PLIN3: variants seen among roughly 807,000 people sequenced by gnomAD.
The protein encoded by PLIN3 is perilipin-3.
In PLIN3, 30 loss-of-function variants were observed where a neutral mutation model predicts 35.9. That is an observed-to-expected ratio of 0.84 (90% confidence interval 0.62 to 1.13). PLIN3 has a LOEUF of 1.13. Among genes scored for constraint, PLIN3 ranks in the 50% most tolerant of loss-of-function variants. The probability of loss-of-function intolerance (pLI) is 0.00; values close to 1 mark genes in which losing one functional copy is unlikely to be tolerated. For missense variants in PLIN3, 603 were observed against 596.9 expected, an observed-to-expected ratio of 1.01 and a Z score of -0.11; for synonymous variants, 261 against 262.5, an observed-to-expected ratio of 0.99 and a Z score of 0.06.
intron 1 of PLIN3, among the ~76,000 whole-genome samples, chr19:4,861,910 G>C (rs1320050175): frequency 1.3e-5 from 2 of 151,684 alleles, no homozygotes; most frequent in African/African-American, 4.8e-5. Flanking sequence ...TGGGATTACA[G>C]GTGTGAGCCA....
chr19:4,851,286 GA>G (rs2030281812), intron 5 of PLIN3, among the ~76,000 whole-genome samples: 1 of 152,032 alleles, frequency 6.6e-6, no homozygotes, highest in South Asian at 2.1e-4. Context: ...CCAACATAGT[GA>G]AACCCCGTTT....
At chr19:4,842,731 G>GT (rs1398023256) in intron 7 of PLIN3, among the ~76,000 whole-genome samples, 5 of 151,842 alleles carry the variant, frequency 3.3e-5, no homozygotes, top group Non-Finnish European at 7.4e-5. Context: ...ATAAGATCTG[G>GT]TTTTTTCATT....
intron 1 of PLIN3, among the ~76,000 whole-genome samples, chr19:4,862,704 A>G (rs2030715323): frequency 6.6e-6 from 1 of 152,180 alleles, no homozygotes; most frequent in African/African-American, 2.4e-5. Context: ...CAATTTGCCA[A>G]TAGCTGTCAA....
chr19:4,864,222 G>A (rs1599178406), intron 1 of PLIN3, among the ~76,000 whole-genome samples: 2 of 149,920 alleles, frequency 1.3e-5, no homozygotes, highest in Admixed American at 1.3e-4. Flanking sequence ...GCGTGATTTC[G>A]GCTCACTGTA....
chr19:4,865,574 T>C (rs541396791), intron 1 of PLIN3, among the ~76,000 whole-genome samples: 12 of 151,932 alleles, frequency 7.9e-5, no homozygotes, highest in Non-Finnish European at 5.9e-5. Flanking sequence ...TAAGAACCTG[T>C]GGCCTTGAGT....
At chr19:4,844,038 C>T (rs970322007) in intron 7 of PLIN3, among the ~76,000 whole-genome samples, 3 of 152,020 alleles carry the variant, frequency 2.0e-5, no homozygotes, top group African/African-American at 4.8e-5. Flanking sequence ...GGTGCGATCT[C>T]GGCTCACTGC....
chr19:4,864,749 C>A (rs2030794798), intron 1 of PLIN3, among the ~76,000 whole-genome samples: 1 of 152,114 alleles, frequency 6.6e-6, no homozygotes, highest in South Asian at 2.1e-4. Context: ...AGCCACAACT[C>A]CCTTTTCCTG....
At chr19:4,856,363 A>T (rs1304832300) in intron 4 of PLIN3, among the ~76,000 whole-genome samples, 1 of 152,090 alleles carries the variant, frequency 6.6e-6, no homozygotes. Context: ...GTTCGAGACC[A>T]GCCTGACCAA....
At chr19:4,849,484 A>AT (rs2030214742) in intron 5 of PLIN3, among the ~76,000 whole-genome samples, 1 of 151,652 alleles carries the variant, frequency 6.6e-6, no homozygotes, top group South Asian at 2.1e-4. Context: ...TAATTTTTAA[A>AT]TTTTTTGTAG....
chr19:4,840,877 G>A (rs1309667772), intron 7 of PLIN3, among the ~76,000 whole-genome samples: 1 of 152,120 alleles, frequency 6.6e-6, no homozygotes. Context: ...CCCAGGAGGC[G>A]GAGGTTGCAG....
intron 2 of PLIN3, among the ~76,000 whole-genome samples, chr19:4,860,281 A>G (rs1003767397): frequency 2.6e-5 from 4 of 152,056 alleles, no homozygotes; most frequent in Admixed American, 2.6e-4. Flanking sequence ...ATCTCAGCTC[A>G]CTGCAACCTC....
rs948929166 is a variant in PLIN3, at chr19:4,839,030, A to C, written c.*162T>G. 4 of 554,324 alleles carry C rather than the reference A, an allele frequency of 7.2e-6. No homozygotes were observed. Among genetic ancestry groups the C allele is most frequent in the Admixed American group, 3.1e-5 (1 of 32,586 alleles). 34.3% of individuals were successfully genotyped at this position (554,324 alleles called of 1,614,324 possible). On this transcript the variant is annotated 3_prime_UTR_variant, in exon 8 of 8. Transcript: ENST00000221957. ...CTCAGAGAGGCTGAGAGATGGGTCA[A>C]CTGGGTGATGCCCGTTTTGAGAGCC...
intron 4 of PLIN3, among the ~76,000 whole-genome samples, chr19:4,858,142 A>C (rs11669077): frequency 6.7e-6 from 1 of 149,942 alleles, no homozygotes; most frequent in Non-Finnish European, 1.5e-5. Context: ...GCGTGGTGGC[A>C]GACGTCTGCA....
intron 4 of PLIN3, among the ~76,000 whole-genome samples, chr19:4,853,491 G>A (rs1347735782): frequency 2.6e-5 from 4 of 151,216 alleles, no homozygotes; most frequent in Non-Finnish European, 4.4e-5. Context: ...ATGCCGAGCC[G>A]ATTTTTGTAT....
chr19:4,847,944 C>T (rs1170520386), intron 5 of PLIN3, 54 bp from the exon 6 acceptor site: 11 of 1,295,222 alleles, frequency 8.5e-6, no homozygotes, highest in African/African-American at 2.9e-5. Flanking sequence ...CAGCTGGGCT[C>T]GTCCCATGCA....
intron 5 of PLIN3, among the ~76,000 whole-genome samples, chr19:4,848,952 G>A (rs113649019): frequency 4.4e-4 from 67 of 152,110 alleles, no homozygotes; most frequent in African/African-American, 1.5e-3. Flanking sequence ...CATATATACC[G>A]TATTTTTCCT....
chr19:4,852,645 C>CT (rs1160136382), intron 4 of PLIN3, among the ~76,000 whole-genome samples: 190 of 146,080 alleles, frequency 1.3e-3, no homozygotes, highest in Middle Eastern at 3.5e-3. Context: ...TTCTTTCTTT[C>CT]TTTTTTTTTT....
intron 6 of PLIN3, among the ~76,000 whole-genome samples, chr19:4,845,827 G>A (rs2030073465): frequency 6.6e-6 from 1 of 151,346 alleles, no homozygotes; most frequent in Non-Finnish European, 1.5e-5. Context: ...GGGAGGCTGA[G>A]GCAAGAGAAT....
chr19:4,842,775 C>T (rs575881192), intron 7 of PLIN3, among the ~76,000 whole-genome samples: 10 of 152,038 alleles, frequency 6.6e-5, no homozygotes, highest in African/African-American at 1.7e-4. Context: ...GCTTAGCAGT[C>T]GGGGAAACAG....
Sources: gnomAD v4.1 joint callset for allele counts (sites outside exome capture counted in the v4.1 genomes callset) on GRCh38, gnomAD v4.1.1 for gene constraint, MANE v1.5 for transcripts, NCBI Gene and HGNC (gene_info 2026-07-23, HGNC 2026-07-21) for gene names.